The following RAD54L2 variants were observed in gnomAD, a reference collection of about 807,000 sequenced individuals.
The protein encoded by RAD54L2 is RAD54 like 2.
In RAD54L2, 27 loss-of-function variants were observed where a neutral mutation model predicts 138.4. The ratio of observed to expected loss-of-function variants is 0.20; its 90% CI spans 0.14 to 0.27. RAD54L2 has a LOEUF of 0.27. Among genes scored for constraint, RAD54L2 ranks in the 10% least tolerant of loss-of-function variants. The pLI, the probability that RAD54L2 is intolerant of heterozygous loss-of-function variation, is 1.00. For missense variants in RAD54L2, 1,396 were observed against 1,890.2 expected (o/e 0.74, Z 4.85); for synonymous variants, 644 against 723.2 (o/e 0.89, Z 1.76).
In RAD54L2 at chr3:51,641,776, C is replaced by A. The variant is rs201697456; in HGVS notation, c.2259C>A (p.Ile753=). The change falls in exon 15 of 23, where the codon ATC becomes ATA. Residue 753 remains isoleucine (I), a synonymous_variant. Coordinates refer to ENST00000684192, the MANE Select transcript of RAD54L2 (RefSeq NM_015106.4). ...FSQSLSTLAL[I]EEFLGKREVP... The stretch of plus-strand genomic sequence containing the variant: ...AGAGTCTTTCCACCTTGGCTCTCAT[C>A]GAGGAATTCCTTGGAAAACGAGAAG... 6.3e-7 allele frequency: 1 copy of A among 1,595,598 alleles called. No individual in the cohort carries two copies. The highest frequency in any genetic ancestry group is 1.1e-5 in the South Asian group (1 of 87,754).
intron 2 of RAD54L2, among the ~76,000 whole-genome samples, chr3:51,579,995 C>T (rs939272961): frequency 7.9e-5 from 12 of 152,088 alleles, no homozygotes; most frequent in South Asian, 4.1e-4. Flanking sequence ...ATCAATTTTC[C>T]GATTCTCTGG....
intron 2 of RAD54L2, among the ~76,000 whole-genome samples, chr3:51,565,255 A>G (rs1357626182): frequency 6.6e-6 from 1 of 152,170 alleles, no homozygotes; most frequent in East Asian, 1.9e-4. Context: ...GTGGTGGCAC[A>G]TGCCTGTAGT....
intron 2 of RAD54L2, among the ~76,000 whole-genome samples, chr3:51,575,735 A>C (rs1699465416): frequency 6.6e-6 from 1 of 152,206 alleles, no homozygotes; most frequent in Admixed American, 6.5e-5. Flanking sequence ...TATCAGCTTA[A>C]GGAGATTTTG....
At chr3:51,651,419 C>T (rs1220605410) in intron 19 of RAD54L2, among the ~76,000 whole-genome samples, 1 of 152,152 alleles carries the variant, frequency 6.6e-6, no homozygotes, top group African/African-American at 2.4e-5. Flanking sequence ...AGAGGAAATT[C>T]TCCCTCACTC....
chr3:51,617,646 C>T lies in RAD54L2; in HGVS notation c.140-9907C>T, dbSNP rs943478735. On this transcript the variant is annotated intron_variant, in intron 3 of 22. Coordinates refer to ENST00000684192, the MANE Select transcript of RAD54L2 (RefSeq NM_015106.4). ...ACCCCAGAGATTTGGGAGGCTGAGG[C>T]GGGAGGATTACTTGAGGCTAGGAGT... 1.2e-4 allele frequency among the ~76,000 whole-genome samples: 18 copies of T among 152,172 alleles called. No individual in the cohort carries two copies. In the South Asian group the frequency reaches 1.5e-3, roughly 12 times the overall value.
intron 2 of RAD54L2, among the ~76,000 whole-genome samples, chr3:51,580,744 G>A (rs1699587513): frequency 1.3e-5 from 2 of 152,280 alleles, no homozygotes; most frequent in South Asian, 4.1e-4. Flanking sequence ...CAAAGGGCCT[G>A]CAGCTGACTA....
intron 2 of RAD54L2, among the ~76,000 whole-genome samples, chr3:51,584,051 C>T (rs1001451984): frequency 1.3e-5 from 2 of 151,992 alleles, no homozygotes; most frequent in Admixed American, 6.6e-5. Flanking sequence ...CCATTTCTCC[C>T]CTGGGTTGGA....
At chr3:51,630,660 C>A in intron 6 of RAD54L2, 45 bp from the exon 7 acceptor site, 1 of 1,489,610 alleles carries the variant, frequency 6.7e-7, no homozygotes, top group South Asian at 1.2e-5. Flanking sequence ...AGTAAATTAT[C>A]TTCACTCCCT....
Position 51,655,872 on chromosome 3 carries a change from T to C in RAD54L2, c.3027-99T>C, listed in dbSNP as rs1436464549. Reference sequence around the variant, plus strand: ...TGATCCTTCTCTGAGCATCAACTGATGGTGTAGAATGGGGCAGCCTAGAAA... The same window carrying C: ...TGATCCTTCTCTGAGCATCAACTGACGGTGTAGAATGGGGCAGCCTAGAAA... On this transcript the variant is annotated intron_variant, in intron 19 of 22. Transcript: ENST00000684192. 8 of 983,402 alleles carry C rather than the reference T, an allele frequency of 8.1e-6. No homozygotes were observed. The East Asian group carries it at 1.9e-4, about 24-fold the overall frequency. The allele number at this position is 983,402 out of a possible 1,614,324, so 60.9% of individuals were successfully genotyped here.
At chr3:51,577,444 G>A (rs1019258148) in intron 2 of RAD54L2, among the ~76,000 whole-genome samples, 4 of 152,122 alleles carry the variant, frequency 2.6e-5, no homozygotes, top group African/African-American at 9.7e-5. Flanking sequence ...TGACAGTGGG[G>A]TGTTAAAATC....
At chr3:51,568,105 C>T (rs749480792) in intron 2 of RAD54L2, among the ~76,000 whole-genome samples, 6 of 151,996 alleles carry the variant, frequency 3.9e-5, no homozygotes, top group Non-Finnish European at 7.4e-5. Context: ...GAAGTGGCTG[C>T]GGTGTGGGGC....
intron 2 of RAD54L2, among the ~76,000 whole-genome samples, chr3:51,563,084 T>C (rs1179769982): frequency 6.6e-6 from 1 of 152,142 alleles, no homozygotes; most frequent in Non-Finnish European, 1.5e-5. Flanking sequence ...ACCTGTCGTG[T>C]GTATCTTTGT....
chr3:51,556,273 TTTTTG>T (rs1040598911), intron 2 of RAD54L2, among the ~76,000 whole-genome samples: 2 of 152,178 alleles, frequency 1.3e-5, no homozygotes, highest in African/African-American at 4.8e-5. Flanking sequence ...CAATTGCCTT[TTTTTG>T]TTTTGTTTTG....
chr3:51,548,501 A>G lies in RAD54L2; in HGVS notation c.-55+6851A>G, dbSNP rs1391943256. 2.2e-4 allele frequency among the ~76,000 whole-genome samples: 33 copies of G among 151,898 alleles called. 1 individual carries two copies. Among genetic ancestry groups the G allele is most frequent in the Admixed American group, 2.2e-3 (33 of 15,214 alleles). The stretch of plus-strand genomic sequence containing the variant: ...CCACGCCCAGCCAACATTTTCATAT[A>G]TATATTTACTTCATCCTCCCAACAA... On this transcript the variant is annotated intron_variant, in intron 2 of 22. Transcript: ENST00000684192.
In RAD54L2 at chr3:51,635,740, A is replaced by T; in HGVS notation, c.1290A>T (p.Pro430=). 7 of 1,613,778 alleles carry T rather than the reference A, an allele frequency of 4.3e-6. No individual in the cohort carries two copies. The highest frequency in any genetic ancestry group is 5.9e-6 in the Non-Finnish European group (7 of 1,179,822). Residue 430 remains proline (P), a synonymous_variant, in exon 10 of 23, where the codon CCA becomes CCT. Coordinates refer to ENST00000684192, the MANE Select transcript of RAD54L2 (RefSeq NM_015106.4). ...RPKKTKKRSH[P]VIIDLDEEDR... Reference sequence around the variant, plus strand: ...AGAAAACCAAGAAGCGTTCTCACCCAGTCATCATTGATCTAGATGAGGAAG... The same window carrying T: ...AGAAAACCAAGAAGCGTTCTCACCCTGTCATCATTGATCTAGATGAGGAAG...
chr3:51,566,409 G>A (rs1015603314), intron 2 of RAD54L2, among the ~76,000 whole-genome samples: 3 of 126,292 alleles, frequency 2.4e-5, no homozygotes, highest in African/African-American at 9.2e-5. Context: ...TTTGCTAAGA[G>A]TTTGTTTGCT....
chr3:51,565,013 C>A (rs1348230956), intron 2 of RAD54L2, among the ~76,000 whole-genome samples: 1 of 152,126 alleles, frequency 6.6e-6, no homozygotes, highest in Non-Finnish European at 1.5e-5. Flanking sequence ...AAGTCAGTGT[C>A]TAGACCTGAG....
Position 51,630,705 on chromosome 3 carries a change from A to T in RAD54L2, c.599A>T (p.Glu200Val). The change falls in exon 7 of 23, where the codon GAG (glutamate) becomes GTG (valine). Residue 200 changes from glutamate (E) to valine (V), a missense_variant and splice_region_variant. Around this residue, in one of 7 missense-constraint regions of RAD54L2, gnomAD observed 256 missense variants for 344.6 expected, o/e 0.74. Coordinates refer to ENST00000684192, the MANE Select transcript of RAD54L2 (RefSeq NM_015106.4). ...GSEDEKSSRD[E>V]VIELSSGEED... ...GTTTTGCTTTTTTTTGCTGTCTCAGAGGTGATTGAACTGAGCTCTGGAGAG... is the reference window on the plus strand; with the variant it reads ...GTTTTGCTTTTTTTTGCTGTCTCAGTGGTGATTGAACTGAGCTCTGGAGAG... 6.2e-7 allele frequency: 1 copy of T among 1,613,140 alleles called. No individual in the cohort carries two copies. Among genetic ancestry groups the T allele is most frequent in the Non-Finnish European group, 8.5e-7 (1 of 1,179,354 alleles).
intron 7 of RAD54L2, among the ~76,000 whole-genome samples, chr3:51,633,056 C>T (rs1355048962): frequency 6.6e-6 from 1 of 151,808 alleles, no homozygotes; most frequent in Non-Finnish European, 1.5e-5. Flanking sequence ...CCTGTCTCCA[C>T]TGAAAATACA....
Sources: allele counts gnomAD v4.1 joint callset (sites outside exome capture counted in the v4.1 genomes callset), GRCh38; gene constraint gnomAD v4.1.1; regional missense constraint gnomAD v4.1.1; transcripts MANE v1.5; gene names NCBI Gene and HGNC (gene_info 2026-07-23, HGNC 2026-07-21).